Variants in ZNF71 observed in about 807,000 individuals in gnomAD.
ZNF71 encodes endothelial zinc finger protein induced by tumor necrosis factor alpha.
In ZNF71, 3 loss-of-function variants were observed where a neutral mutation model predicts 6.7. The ratio of observed to expected loss-of-function variants is 0.45; its 90% CI spans 0.20 to 1.16. The LOEUF (loss-of-function observed/expected upper bound fraction) is 1.16, where lower values mean the gene tolerates loss of function less well. ZNF71 is among the 50% of genes most tolerant of loss of function. The pLI, the probability that ZNF71 is intolerant of heterozygous loss-of-function variation, is 0.25. For synonymous variants in ZNF71, 343 were observed against 311.1 expected (o/e 1.10, Z -1.08); for missense variants, 688 against 728.6 (o/e 0.94, Z 0.64).
chr19:56,607,798 TAC>T (rs1293055114), intron 2 of ZNF71, among the ~76,000 whole-genome samples: 1 of 152,248 alleles, frequency 6.6e-6, no homozygotes, highest in East Asian at 1.9e-4. Flanking sequence ...TTTACTATTT[TAC>T]ACAGTTTCTG....
chr19:56,622,226 C>T lies in ZNF71; in HGVS notation c.1119C>T (p.Leu373=), dbSNP rs147430593. 6.2e-7 allele frequency: 1 copy of T among 1,613,252 alleles called. No homozygotes were observed. Among genetic ancestry groups the T allele is most frequent in the South Asian group, 1.1e-5 (1 of 91,076 alleles). ...AGGCCTTCAACAAGAGCTCCTCGCTCACCCTGCACCAGAGGAACCACACCG... is the reference window on the plus strand; with the variant it reads ...AGGCCTTCAACAAGAGCTCCTCGCTTACCCTGCACCAGAGGAACCACACCG... The part of the protein sequence containing the change: ...CGKAFNKSSS[L]TLHQRNHTGE... The change falls in exon 4 of 4, where the codon CTC becomes CTT. Residue 373 remains leucine (L), a synonymous_variant. Transcript: ENST00000599599.
chr19:56,618,149 G>A lies in ZNF71; in HGVS notation c.161-3119G>A, dbSNP rs2044811963. Among the ~76,000 whole-genome samples the A allele has an allele frequency of 6.6e-6, 1 of 152,196 alleles. No individual in the cohort carries two copies. The highest frequency in any genetic ancestry group is 6.5e-5 in the Admixed American group (1 of 15,284). ...GTTCTTTTCCTCTGAGATGGGAAAA[G>A]TGATGCATGGTAATATAGCCACTCC... is the stretch of plus-strand genomic sequence containing the variant. On this transcript the variant is annotated intron_variant, in intron 3 of 3. Transcript: ENST00000599599. The surrounding 1 kb of genome is among the most constrained non-coding windows in gnomAD (Gnocchi z 4.6).
At chr19:56,620,302 G>A (rs528804858) in intron 3 of ZNF71, among the ~76,000 whole-genome samples, 1 of 152,278 alleles carries the variant, frequency 6.6e-6, no homozygotes, top group South Asian at 2.1e-4. Context: ...AAGTGGCAAA[G>A]GGGCAGGAGA....
At position 56,622,517 on chromosome 19, in the gene ZNF71, C is replaced by A. The variant is rs1326664150; in HGVS notation, c.1410C>A (p.Tyr470Ter). ...TCGTGCACACCGGGGAGAAGCCCTA[C>A]GTGTGCGGCGAGTGCGGCAAGGCCT... ...HQIVHTGEKPYVCGECGKAFS... is the reference protein window; with the variant it reads ...HQIVHTGEKP Residue 470 changes from tyrosine to a stop codon, truncating the protein, a stop_gained, in exon 4 of 4, where the codon TAC becomes TAA. Coordinates refer to ENST00000599599, the MANE Select transcript of ZNF71 (RefSeq NM_001370215.1). LOFTEE classifies it low-confidence loss of function (END_TRUNC). 1 of 1,610,070 alleles carries A rather than the reference C, an allele frequency of 6.2e-7. No individual in the cohort carries two copies. Among genetic ancestry groups the A allele is most frequent in the Admixed American group, 1.7e-5 (1 of 59,940 alleles).
At position 56,622,575 on chromosome 19, in the gene ZNF71, C is replaced by A; in HGVS notation, c.1468C>A (p.Arg490=). The A allele has an allele frequency of 6.2e-7, 1 of 1,612,964 alleles. No individual in the cohort carries two copies. The highest frequency in any genetic ancestry group is 8.5e-7 in the Non-Finnish European group (1 of 1,179,400). The change falls in exon 4 of 4, where the codon CGG becomes AGG. Residue 490 remains arginine (R), a synonymous_variant. Transcript: ENST00000599599. Reference sequence around the variant, plus strand: ...GAGCGCCTACCTCATCGAGCACCAGCGGATCCACACCGGCGAGAAGCCGTA... The same window carrying A: ...GAGCGCCTACCTCATCGAGCACCAGAGGATCCACACCGGCGAGAAGCCGTA... ...SQSAYLIEHQ[R]IHTGEKPYRC... is the part of the protein sequence containing the mutation.
chr19:56,617,688 G>A (rs527774816), intron 3 of ZNF71, among the ~76,000 whole-genome samples: 3 of 152,274 alleles, frequency 2.0e-5, no homozygotes, highest in South Asian at 2.1e-4. Context: ...AGGTGTGATC[G>A]GGTAGTTTTA....
chr19:56,607,165 T>A (rs2044716309), intron 2 of ZNF71, among the ~76,000 whole-genome samples: 1 of 152,236 alleles, frequency 6.6e-6, no homozygotes, highest in African/African-American at 2.4e-5. Flanking sequence ...TAATACGTAT[T>A]CTGATATATT....
intron 2 of ZNF71, among the ~76,000 whole-genome samples, chr19:56,608,464 C>A (rs544574687): frequency 6.6e-6 from 1 of 151,828 alleles, no homozygotes; most frequent in Non-Finnish European, 1.5e-5. Context: ...TTTTTAAAGG[C>A]GGAATAATAT....
intron 3 of ZNF71, among the ~76,000 whole-genome samples, 190 bp from the exon 4 acceptor site, chr19:56,621,078 A>G (rs1415987605): frequency 6.6e-6 from 1 of 152,078 alleles, no homozygotes; most frequent in South Asian, 2.1e-4. Flanking sequence ...TGCTTCATAA[A>G]CCACATTGGC....
Position 56,613,909 on chromosome 19 carries a change from T to C in ZNF71, c.131T>C (p.Leu44Pro). Residue 44 changes from leucine to proline, a missense_variant, in exon 3 of 4, where the codon CTG (leucine) becomes CCG (proline). Leu to Pro is a moderately conservative substitution (Grantham distance 98, BLOSUM62 -3). Transcript: ENST00000599599. This position sits in a 1 kb window ranked among gnomAD's most constrained non-coding sequence, Gnocchi z 4.6. The stretch of plus-strand genomic sequence containing the variant: ...AAGGACCTGTACAGGGATGTCATGC[T>C]GGAGAACTACAGGAACCTGGTCTCA... ...AQKDLYRDVM[L>P]ENYRNLVSLD... 9.2e-7 allele frequency: 1 copy of C among 1,083,976 alleles called. No homozygotes were observed. The highest frequency in any genetic ancestry group is 1.1e-6 in the Non-Finnish European group (1 of 875,902). The allele number at this position is 1,083,976 out of a possible 1,614,324, so 67.1% of individuals were successfully genotyped here. A position where few individuals can be genotyped will look rare whatever the true frequency, so the allele number is the denominator to read the frequency against.
intron 2 of ZNF71, among the ~76,000 whole-genome samples, chr19:56,605,135 C>G (rs1264455489): frequency 6.6e-6 from 1 of 152,234 alleles, no homozygotes; most frequent in African/African-American, 2.4e-5. Flanking sequence ...TTTTGAAACC[C>G]CCATAGGAGC....
Position 56,622,955 on chromosome 19 carries a change from G to T in ZNF71, c.*198G>T, listed in dbSNP as rs2044876987. ...CTGAGCCTCAGAAAGCAAGCCCCTC[G>T]GTGTCTGACGTATCTGGGGACACTT... On this transcript the variant is annotated 3_prime_UTR_variant, in exon 4 of 4. Transcript: ENST00000599599. 1 of 691,648 alleles carries T rather than the reference G, an allele frequency of 1.4e-6. No homozygotes were observed. Among genetic ancestry groups the T allele is most frequent in the Non-Finnish European group, 2.4e-6 (1 of 411,794 alleles). The allele number at this position is 691,648 out of a possible 1,614,324, so 42.8% of individuals were successfully genotyped here.
intron 1 of ZNF71, among the ~76,000 whole-genome samples, chr19:56,596,269 CTG>C (rs1271465826): frequency 6.6e-6 from 1 of 152,052 alleles, no homozygotes; most frequent in South Asian, 2.1e-4. Context: ...TTTCCTATCT[CTG>C]TGTGTCCACC....
chr19:56,619,733 A>G (rs908397561), intron 3 of ZNF71, among the ~76,000 whole-genome samples: 7 of 152,130 alleles, frequency 4.6e-5, no homozygotes, highest in African/African-American at 1.7e-4. Flanking sequence ...TACCAGGTGG[A>G]TCATTTATGT....
At chr19:56,599,399 A>C (rs753507046) in intron 1 of ZNF71, among the ~76,000 whole-genome samples, 2 of 152,208 alleles carry the variant, frequency 1.3e-5, no homozygotes, top group Non-Finnish European at 2.9e-5. Flanking sequence ...CTGTAAAAGA[A>C]GCTGAGTTTT....
chr19:56,618,922 G>A lies in ZNF71; in HGVS notation c.161-2346G>A, dbSNP rs983503705. Among the ~76,000 whole-genome samples the A allele has an allele frequency of 1.3e-5, 2 of 152,256 alleles. No homozygotes were observed. The highest frequency in any genetic ancestry group is 2.1e-4 in the South Asian group (1 of 4,822). On this transcript the variant is annotated intron_variant, in intron 3 of 3. Transcript: ENST00000599599. This position sits in a 1 kb window ranked among gnomAD's most constrained non-coding sequence, Gnocchi z 4.6. ...GAGGAGTGGAGGACGCATTGCAGGG[G>A]TGAGAATGGGGTGGGGAGGACAGAG...
intron 3 of ZNF71, among the ~76,000 whole-genome samples, chr19:56,616,685 T>A (rs1451274958): frequency 6.6e-6 from 1 of 152,224 alleles, no homozygotes; most frequent in Non-Finnish European, 1.5e-5. Flanking sequence ...CTTGCAGGTC[T>A]TCAGAACACT....
Position 56,622,989 on chromosome 19 carries a change from A to T in ZNF71, c.*232A>T. On this transcript the variant is annotated 3_prime_UTR_variant, in exon 4 of 4. Coordinates refer to ENST00000599599, the MANE Select transcript of ZNF71 (RefSeq NM_001370215.1). ...CGTATCTGGGGACACTTCAAGGTTC[A>T]CTGTAGCTGAGCCATGGCCGCTGGT... 1 of 594,742 alleles carries T rather than the reference A, an allele frequency of 1.7e-6. No individual in the cohort carries two copies. The highest frequency in any genetic ancestry group is 3.0e-6 in the Non-Finnish European group (1 of 336,640). The allele number at this position is 594,742 out of a possible 1,614,324, so 36.8% of individuals were successfully genotyped here.
rs923968108 is a variant in ZNF71, at chr19:56,621,878, G to A, written c.771G>A (p.Gln257=). ...GGGACTGCGGCAAGGCCTTCAGCCA[G>A]CGCATGAACCTCACTGTGCACCAGC... ...ACGDCGKAFS[Q]RMNLTVHQRT... Residue 257 remains glutamine (Q), a synonymous_variant, in exon 4 of 4, where the codon CAG becomes CAA. Transcript: ENST00000599599. 1.2e-6 allele frequency: 2 copies of A among 1,611,982 alleles called. No homozygotes were observed. Among genetic ancestry groups the A allele is most frequent in the Non-Finnish European group, 1.7e-6 (2 of 1,178,186 alleles).
Sources: gnomAD v4.1 joint callset for allele counts (sites outside exome capture counted in the v4.1 genomes callset) on GRCh38, gnomAD v4.1.1 for gene constraint, Gnocchi (gnomAD v3.1) non-coding constraint, MANE v1.5 for transcripts, NCBI Gene and HGNC (gene_info 2026-07-23, HGNC 2026-07-21) for gene names.